The following PDS5B variants were observed in gnomAD, a reference collection of about 807,000 sequenced individuals.
PDS5B encodes the protein PDS5 cohesin associated factor B.
PDS5B carries 51 observed loss-of-function variants against 184.1 expected under a neutral mutation model. The observed-to-expected ratio is 0.28, with a 90% CI of 0.22 to 0.35. The LOEUF (loss-of-function observed/expected upper bound fraction) is 0.35, where lower values mean the gene tolerates loss of function less well. Ranked by LOEUF, PDS5B falls within the 10% of genes least tolerant of loss-of-function variation. The pLI is 1.00. For synonymous variants in PDS5B, 566 were observed against 569.2 expected (o/e 0.99, Z 0.08); for missense variants, 1,180 against 1,723.3 (o/e 0.68, Z 5.58).
intron 19 of PDS5B, among the ~76,000 whole-genome samples, chr13:32,716,666 G>A (rs1952437510): frequency 7.2e-6 from 1 of 138,404 alleles, no homozygotes; most frequent in African/African-American, 2.7e-5. Context: ...GAGGGAGGTG[G>A]GGGGGGTCAG....
intron 14 of PDS5B, among the ~76,000 whole-genome samples, chr13:32,694,590 A>G (rs1346661786): frequency 2.0e-5 from 3 of 151,912 alleles, no homozygotes; most frequent in African/African-American, 4.8e-5. Context: ...ATAACTCAGC[A>G]TTATTGAAAG....
At chr13:32,598,421 C>T (rs1309950340) in intron 1 of PDS5B, among the ~76,000 whole-genome samples, 1 of 151,936 alleles carries the variant, frequency 6.6e-6, no homozygotes, top group Non-Finnish European at 1.5e-5. Context: ...TTGTCAGATA[C>T]CCTCTCTCCT....
intron 32 of PDS5B, 44 bp from the exon 33 acceptor site, chr13:32,770,605 TATAAA>T: frequency 6.2e-7 from 1 of 1,601,946 alleles, no homozygotes; most frequent in Non-Finnish European, 8.5e-7. Context: ...GTTACTATAT[TATAAA>T]TCATAATTTG....
intron 1 of PDS5B, among the ~76,000 whole-genome samples, chr13:32,613,291 T>C (rs969824274): frequency 6.6e-6 from 1 of 152,208 alleles, no homozygotes; most frequent in African/African-American, 2.4e-5. Context: ...TAGTTCCATG[T>C]TTATCCATTT....
intron 6 of PDS5B, among the ~76,000 whole-genome samples, chr13:32,660,309 A>C (rs1236935933): frequency 6.6e-6 from 1 of 152,192 alleles, no homozygotes; most frequent in Non-Finnish European, 1.5e-5. Flanking sequence ...AATCCCCATT[A>C]ATCCATTTTA....
intron 10 of PDS5B, among the ~76,000 whole-genome samples, chr13:32,683,111 C>T (rs1951291624): frequency 6.6e-6 from 1 of 152,044 alleles, no homozygotes; most frequent in South Asian, 2.1e-4. Context: ...CTCCTGGGTT[C>T]AAGCGATTCT....
chr13:32,753,850 G>A (rs1316567140), intron 25 of PDS5B, among the ~76,000 whole-genome samples: 1 of 151,976 alleles, frequency 6.6e-6, no homozygotes, highest in Non-Finnish European at 1.5e-5. Context: ...ATTTTAATTG[G>A]AAAAAAGTAC....
intron 9 of PDS5B, among the ~76,000 whole-genome samples, chr13:32,677,339 T>A (rs549162122): frequency 6.6e-6 from 1 of 152,164 alleles, no homozygotes; most frequent in Admixed American, 6.5e-5. Context: ...ATCTTTAAAT[T>A]AAGACTTGGA....
intron 1 of PDS5B, among the ~76,000 whole-genome samples, chr13:32,610,930 A>G (rs1457254783): frequency 1.3e-5 from 2 of 152,046 alleles, no homozygotes; most frequent in African/African-American, 4.8e-5. Flanking sequence ...CAAACCTTTT[A>G]AAACCTTTCT....
intron 31 of PDS5B, 39 bp from the exon 32 acceptor site, chr13:32,770,082 A>G (rs1593658565): frequency 3.9e-6 from 6 of 1,544,462 alleles, no homozygotes; most frequent in South Asian, 2.5e-5. Flanking sequence ...TATACTCACA[A>G]TTTCATAACC....
intron 15 of PDS5B, among the ~76,000 whole-genome samples, chr13:32,698,357 A>T (rs150080740): frequency 6.6e-6 from 1 of 152,234 alleles, no homozygotes; most frequent in East Asian, 1.9e-4. Context: ...TTTCCTGAAC[A>T]CTGTTAAACT....
intron 8 of PDS5B, among the ~76,000 whole-genome samples, chr13:32,673,666 C>T (rs539753102): frequency 1.3e-5 from 2 of 152,266 alleles, no homozygotes; most frequent in East Asian, 1.9e-4. Flanking sequence ...GTTTTCAAGG[C>T]ACAGTTTATA....
intron 6 of PDS5B, among the ~76,000 whole-genome samples, chr13:32,660,928 A>C (rs1044116738): frequency 3.3e-5 from 5 of 152,210 alleles, no homozygotes; most frequent in Admixed American, 3.3e-4. Context: ...CCCTTTGCAT[A>C]ACTTGCATAG....
chr13:32,755,278 A>G (rs1390336832), intron 25 of PDS5B, among the ~76,000 whole-genome samples: 1 of 152,172 alleles, frequency 6.6e-6, no homozygotes, highest in African/African-American at 2.4e-5. Flanking sequence ...CAGCCAACAT[A>G]CAAAAATAAT....
intron 6 of PDS5B, among the ~76,000 whole-genome samples, chr13:32,663,155 C>G (rs1366519413): frequency 6.6e-6 from 1 of 152,012 alleles, no homozygotes; most frequent in African/African-American, 2.4e-5. Context: ...CAGCAGAACT[C>G]AAACCAACAA....
chr13:32,591,446 T>A (rs1390806751), intron 1 of PDS5B, among the ~76,000 whole-genome samples: 1 of 152,154 alleles, frequency 6.6e-6, no homozygotes, highest in East Asian at 1.9e-4. Context: ...TGTGATTTAC[T>A]TTTTTCCTTA....
intron 1 of PDS5B, among the ~76,000 whole-genome samples, chr13:32,592,504 G>A (rs1296863438): frequency 2.0e-5 from 3 of 152,046 alleles, no homozygotes; most frequent in Non-Finnish European, 4.4e-5. Flanking sequence ...TGATCTGCCC[G>A]CCTTGGCCTC....
intron 19 of PDS5B, among the ~76,000 whole-genome samples, chr13:32,720,047 C>T (rs1952616698): frequency 6.6e-6 from 1 of 152,210 alleles, no homozygotes; most frequent in South Asian, 2.1e-4. Flanking sequence ...ATCTGTCCGC[C>T]TTGGCCTCCC....
At chr13:32,715,084 C>T (rs956120430) in intron 19 of PDS5B, among the ~76,000 whole-genome samples, 3 of 152,208 alleles carry the variant, frequency 2.0e-5, no homozygotes, top group African/African-American at 2.4e-5. Flanking sequence ...CAGCTGGTCC[C>T]TCTGTTTGGG....
Sources: allele counts gnomAD v4.1 joint callset (sites outside exome capture counted in the v4.1 genomes callset), GRCh38; gene constraint gnomAD v4.1.1; transcripts MANE v1.5; gene names NCBI Gene and HGNC (gene_info 2026-07-23, HGNC 2026-07-21).